OXTR: variants seen among roughly 807,000 people sequenced by gnomAD.
OXTR encodes the protein oxytocin receptor.
Under a neutral mutation model 23.9 loss-of-function variants are expected in OXTR, and 19 were observed. That is an observed-to-expected ratio of 0.80 (90% CI 0.56 to 1.17). The LOEUF (loss-of-function observed/expected upper bound fraction) is 1.17. Among genes scored for constraint, OXTR ranks in the 50% most tolerant of loss-of-function variants. The pLI is 0.00. For missense variants in OXTR, 500 were observed against 550.7 expected (o/e 0.91, Z 0.92); for synonymous variants, 278 against 250.5 (o/e 1.11, Z -1.04).
intron 3 of OXTR, among the ~76,000 whole-genome samples, chr3:8,762,084 A>G (rs1708498321): frequency 6.6e-6 from 1 of 152,142 alleles, no homozygotes. Context: ...CCAGTGCCTC[A>G]GGTCACACCC....
downstream of OXTR, chr3:8,745,813 G>C (rs559206877): frequency 5.5e-5 from 89 of 1,613,822 alleles, 3 homozygotes; most frequent in South Asian, 9.2e-4. This position sits in a 1 kb window ranked among gnomAD's most constrained non-coding sequence, Gnocchi z 4.8. Flanking sequence ...CACTCTTCGC[G>C]GCCCTGGGCC....
intron 3 of OXTR, among the ~76,000 whole-genome samples, chr3:8,755,644 C>G (rs766395993): frequency 6.6e-6 from 1 of 152,218 alleles, no homozygotes; most frequent in Non-Finnish European, 1.5e-5. Flanking sequence ...GCCACAGACA[C>G]GAGTGACCTC....
chr3:8,763,337 G>A (rs1708531118), intron 3 of OXTR, among the ~76,000 whole-genome samples: 1 of 152,160 alleles, frequency 6.6e-6, no homozygotes, highest in African/African-American at 2.4e-5. Context: ...GGAGGAGGAG[G>A]TGGAGGCTCA....
At chr3:8,767,009 C>G (rs1394901334) in intron 3 of OXTR, among the ~76,000 whole-genome samples, 5 of 152,212 alleles carry the variant, frequency 3.3e-5, no homozygotes, top group Non-Finnish European at 7.3e-5. Context: ...TGCATTTTCT[C>G]GTGGCATTCC....
chr3:8,762,615 AG>A lies in OXTR; in HGVS notation c.922+4650del, dbSNP rs754076536. ...GTCACCTCAAGAAAAAGCCCCTCCA[AG>A]GGGCCTGGTCCCCCACACCTCGGGC... On this transcript the variant is annotated intron_variant, in intron 3 of 3. Transcript: ENST00000316793. Among the ~76,000 whole-genome samples, 12 of 152,166 alleles carry A rather than the reference AG, an allele frequency of 7.9e-5. No individual in the cohort carries two copies. In the East Asian group the frequency reaches 2.3e-3, roughly 29 times the overall value.
At chr3:8,760,797 T>C (rs237889) in intron 3 of OXTR, among the ~76,000 whole-genome samples, 106,994 of 152,064 alleles carry the variant, frequency 0.7, 38,623 homozygotes, top group African/African-American at 0.87. Flanking sequence ...AGCAAGGCCA[T>C]AGGAACTTGT....
chr3:8,742,584 C>T, the OXTR span: 52 of 451,168 alleles, frequency 1.2e-4, no homozygotes, highest in South Asian at 2.5e-4. Flanking sequence ...GATGTATTTT[C>T]GAGGAATCTT....
At chr3:8,744,801 A>G in the OXTR span, 49,157 of 152,192 alleles carry the variant, frequency 0.32, 9,922 homozygotes, top group African/African-American at 0.57. Context: ...GAGAGCTGCG[A>G]CTATAGCACT....
chr3:8,769,210 C>T (rs2301261), intron 1 of OXTR, 21 bp downstream of exon 1: 18,499 of 152,472 alleles, frequency 0.12, 1,404 homozygotes, highest in African/African-American at 0.22. Context: ...TCCCGTCCAC[C>T]CCTGCTTAGC....
chr3:8,752,856 G>C lies in OXTR; in HGVS notation c.*121C>G. On this transcript the variant is annotated 3_prime_UTR_variant, in exon 4 of 4. Transcript: ENST00000316793. ...TCCACCCCACTGAAGCCACCCCAAG[G>C]AGGGGAGGGATACAAACTGATAGGT... The C allele has an allele frequency of 9.1e-7, 1 of 1,100,994 alleles. No homozygotes were observed. Among genetic ancestry groups the C allele is most frequent in the South Asian group, 1.6e-5 (1 of 60,746 alleles). The allele number at this position is 1,100,994 out of a possible 1,614,324, so 68.2% of individuals were successfully genotyped here. A position where few individuals can be genotyped will look rare whatever the true frequency, so the allele number is the denominator to read the frequency against.
chr3:8,767,282 G>A lies in OXTR; in HGVS notation c.906C>T (p.Ala302=). ...FFVQMWSVWD[A]NAPKEASAFI... ...CCTGGCTACCTTCCTTGGGCGCGTT[G>A]GCATCCCAGACGCTCCACATCTGCA... Residue 302 remains alanine, a synonymous_variant, in exon 3 of 4, where the codon GCC becomes GCT. Transcript: ENST00000316793. The A allele has an allele frequency of 6.4e-7, 1 of 1,554,960 alleles. No individual in the cohort carries two copies. Among genetic ancestry groups the A allele is most frequent in the Non-Finnish European group, 8.7e-7 (1 of 1,151,602 alleles).
In OXTR at chr3:8,767,907, A is replaced by G. The variant is rs1322946487; in HGVS notation, c.281T>C (p.Leu94Pro). ...ADLVVAVFQV[L>P]PQLLWDITFR... is the part of the protein sequence containing the mutation. ...GGTGATGTCCCACAGCAACTGCGGCAGCACCTGAAACACTGCCACCACCAG... is the reference window on the plus strand; with the variant it reads ...GGTGATGTCCCACAGCAACTGCGGCGGCACCTGAAACACTGCCACCACCAG... Residue 94 changes from leucine to proline, a missense_variant, in exon 3 of 4, where the codon CTG (leucine) becomes CCG (proline). Leu to Pro is a moderately conservative substitution (Grantham distance 98). Transcript: ENST00000316793. 6.2e-7 allele frequency: 1 copy of G among 1,613,738 alleles called. No individual in the cohort carries two copies.
At position 8,753,018 on chromosome 3, in the gene OXTR, T is replaced by C. The variant is rs761012572; in HGVS notation, c.1129A>G (p.Ser377Gly). The C allele has an allele frequency of 1.1e-5, 18 of 1,613,898 alleles. No individual in the cohort carries two copies. The highest frequency in any genetic ancestry group is 1.5e-5 in the Non-Finnish European group (18 of 1,179,930). ...NSSSFVLSHR[S>G]SSQRSCSQPS... is the part of the protein sequence containing the mutation. ...TGGGAGCAGCTCCTCTGGCTGGAGC[T>C]GCGATGGCTCAGGACAAAGGAGGAC... The change falls in exon 4 of 4, where the codon AGC becomes GGC. Residue 377 changes from serine to glycine, a missense_variant. Physicochemically the swap from Ser to Gly is moderately conservative, Grantham distance 56. Coordinates refer to ENST00000316793, the MANE Select transcript of OXTR (RefSeq NM_000916.4).
rs1708267196 is a variant in OXTR, at chr3:8,751,873, G to A, written c.*1104C>T. On this transcript the variant is annotated 3_prime_UTR_variant, in exon 4 of 4. Transcript: ENST00000316793. Reference sequence around the variant, plus strand: ...TCCCTTGCATTTCTTTATGAATTTTGGGACTAGCTTATCAATTTCTGTAAA... The same window carrying A: ...TCCCTTGCATTTCTTTATGAATTTTAGGACTAGCTTATCAATTTCTGTAAA... The A allele has an allele frequency of 6.6e-6, 1 of 152,016 alleles. No homozygotes were observed. Among genetic ancestry groups the A allele is most frequent in the Non-Finnish European group, 1.5e-5 (1 of 67,998 alleles). The allele number at this position is 152,016 out of a possible 1,614,324, so 9.4% of individuals were successfully genotyped here. A position where few individuals can be genotyped will look rare whatever the true frequency, so the allele number is the denominator to read the frequency against.
downstream of OXTR, among the ~76,000 whole-genome samples, chr3:8,748,103 A>C (rs1399969043): frequency 7.2e-6 from 1 of 138,768 alleles, no homozygotes; most frequent in African/African-American, 2.9e-5. Flanking sequence ...ATTCCCTCTC[A>C]TAAGATACAT....
Position 8,752,994 on chromosome 3 carries a change from G to T in OXTR, c.1153C>A (p.Gln385Lys). ...CTGGTGGGTCACGCCGTGGATGGCT[G>T]GGAGCAGCTCCTCTGGCTGGAGCTG... ...HRSSSQRSCS[Q>K]PSTA is the part of the protein sequence containing the mutation. The change falls in exon 4 of 4, where the codon CAG becomes AAG. Residue 385 changes from glutamine (Q) to lysine (K), a missense_variant. Transcript: ENST00000316793. The T allele has an allele frequency of 6.2e-7, 1 of 1,611,960 alleles. No homozygotes were observed. The highest frequency in any genetic ancestry group is 8.5e-7 in the Non-Finnish European group (1 of 1,178,432).
At chr3:8,748,483 C>A (rs17049507), downstream of OXTR, among the ~76,000 whole-genome samples, 4,343 of 152,318 alleles carry the variant, frequency 0.029, 196 homozygotes, top group African/African-American at 0.097. Flanking sequence ...GTGCCGTAAT[C>A]AGGCCAATAA....
downstream of OXTR, among the ~76,000 whole-genome samples, chr3:8,748,180 G>A (rs1488280054): frequency 2.6e-5 from 4 of 152,220 alleles, no homozygotes; most frequent in East Asian, 3.8e-4. Context: ...GTTTGATTCA[G>A]TAGTGGGGCC....
the OXTR span, among the ~76,000 whole-genome samples, chr3:8,744,374 G>A: frequency 6.6e-6 from 1 of 150,584 alleles, no homozygotes; most frequent in African/African-American, 2.5e-5. Flanking sequence ...CGCCTCCCGG[G>A]TTTATGCCGT....
Sources: gnomAD v4.1 joint callset for allele counts (sites outside exome capture counted in the v4.1 genomes callset) on GRCh38, gnomAD v4.1.1 for gene constraint, Gnocchi (gnomAD v3.1) non-coding constraint, MANE v1.5 for transcripts, NCBI Gene and HGNC (gene_info 2026-07-23, HGNC 2026-07-21) for gene names.